DNAH6: variants seen among roughly 807,000 people sequenced by gnomAD.
DNAH6 encodes axonemal beta dynein heavy chain 6.
Under a neutral mutation model 491.4 loss-of-function variants are expected in DNAH6, and 340 were observed. The ratio of observed to expected loss-of-function variants is 0.69; its 90% CI spans 0.63 to 0.76. DNAH6 has a LOEUF of 0.76. DNAH6 is among the 30% of genes least tolerant of loss of function. The pLI, the probability that DNAH6 is intolerant of heterozygous loss-of-function variation, is 0.00. For missense variants in DNAH6, 4,443 were observed against 4,972.2 expected, an observed-to-expected ratio of 0.89 and a Z score of 3.20; for synonymous variants, 1,603 against 1,686.1, an observed-to-expected ratio of 0.95 and a Z score of 1.21.
At chr2:84,662,753 A>C (rs1240710134) in intron 37 of DNAH6, among the ~76,000 whole-genome samples, 1 of 152,184 alleles carries the variant, frequency 6.6e-6, no homozygotes, top group South Asian at 2.1e-4. Context: ...TGAAGAGAGT[A>C]GTGGTTCTCC....
chr2:84,460,432 C>A, the DNAH6 span, among the ~76,000 whole-genome samples: 1 of 152,080 alleles, frequency 6.6e-6, no homozygotes, highest in Non-Finnish European at 1.5e-5. Flanking sequence ...AATAGAAAAT[C>A]CCTTGCTATT....
chr2:84,787,303 G>C lies in DNAH6; in HGVS notation c.11239+1G>C. 1.3e-6 allele frequency: 2 copies of C among 1,548,426 alleles called. No homozygotes were observed. The highest frequency in any genetic ancestry group is 1.7e-6 in the Non-Finnish European group (2 of 1,145,652). On this transcript the variant is annotated splice_donor_variant, in intron 68 of 76. Transcript: ENST00000389394. LOFTEE classifies it high-confidence loss of function. ...TGGGATGCACTAATTTACATTACTG[G>C]TGAGTACGTCCTTGTGGCCAGGCCT...
At chr2:84,739,215 T>C (rs1672285774) in intron 62 of DNAH6, among the ~76,000 whole-genome samples, 1 of 152,214 alleles carries the variant, frequency 6.6e-6, no homozygotes. Flanking sequence ...TTTAGTCTTA[T>C]AGGTTTCCCT....
chr2:84,699,836 T>C (rs1297078508), intron 48 of DNAH6, 102 bp downstream of exon 48: 12 of 1,137,778 alleles, frequency 1.1e-5, no homozygotes, highest in African/African-American at 1.6e-5. Flanking sequence ...TGTATTAGCT[T>C]TAAAGCCTAC....
At position 84,814,140 on chromosome 2, in the gene DNAH6, G is replaced by A. The variant is rs543754546; in HGVS notation, c.12150+18G>A. ...ACATGGAGGTATTGTCCACCTGGCTGTTATGGCAAAGCAGCTTCTATCCCA... is the reference window on the plus strand; with the variant it reads ...ACATGGAGGTATTGTCCACCTGGCTATTATGGCAAAGCAGCTTCTATCCCA... On this transcript the variant is annotated intron_variant, in intron 75 of 76. Coordinates refer to ENST00000389394, the MANE Select transcript of DNAH6 (RefSeq NM_001370.2). The A allele has an allele frequency of 1.5e-5, 24 of 1,548,704 alleles. No homozygotes were observed. Among genetic ancestry groups the A allele is most frequent in the East Asian group, 2.5e-5 (1 of 40,816 alleles).
the DNAH6 span, among the ~76,000 whole-genome samples, chr2:84,501,029 T>TC: frequency 6.6e-6 from 1 of 152,218 alleles, no homozygotes; most frequent in African/African-American, 2.4e-5. Context: ...CTTTCTCTTG[T>TC]CTGATTGCTC....
At chr2:84,550,151 A>G (rs561046580) in intron 9 of DNAH6, 94 bp downstream of exon 9, 21 of 534,480 alleles carry the variant, frequency 3.9e-5, no homozygotes, top group Middle Eastern at 5.0e-4. Context: ...TCTGTGCACT[A>G]AAAAAAAAAG....
At chr2:84,754,670 A>G (rs907624900) in intron 63 of DNAH6, among the ~76,000 whole-genome samples, 13 of 152,202 alleles carry the variant, frequency 8.5e-5, no homozygotes, top group African/African-American at 3.1e-4. Flanking sequence ...ATGTCACACC[A>G]TCTTGATTAC....
chr2:84,542,780 A>G (rs1008246174), intron 4 of DNAH6, among the ~76,000 whole-genome samples: 3 of 152,196 alleles, frequency 2.0e-5, no homozygotes, highest in African/African-American at 7.2e-5. Context: ...TTTTGTTCCA[A>G]TGTCTTAAAA....
intron 45 of DNAH6, among the ~76,000 whole-genome samples, chr2:84,690,652 G>C (rs1694762735): frequency 6.6e-6 from 1 of 152,222 alleles, no homozygotes; most frequent in Non-Finnish European, 1.5e-5. Context: ...GCATGGTGAA[G>C]ATTTGGTTTT....
intron 19 of DNAH6, 87 bp from the exon 20 acceptor site, chr2:84,605,413 A>T: frequency 2.4e-6 from 2 of 831,968 alleles, no homozygotes; most frequent in Non-Finnish European, 3.8e-6. Context: ...ATAATTATGG[A>T]GTTTTTATTT....
At chr2:84,708,575 G>A (rs1212811904) in intron 54 of DNAH6, among the ~76,000 whole-genome samples, 2 of 148,032 alleles carry the variant, frequency 1.4e-5, no homozygotes, top group African/African-American at 5.0e-5. Flanking sequence ...AAAGAGGGAA[G>A]GAAGGAGGAA....
intron 4 of DNAH6, among the ~76,000 whole-genome samples, chr2:84,543,473 C>T (rs1226676875): frequency 3.3e-5 from 5 of 152,266 alleles, no homozygotes; most frequent in Admixed American, 6.5e-5. Context: ...ATATTTCACA[C>T]TTGTTCTATT....
At chr2:84,697,447 A>G (rs1695498358) in intron 46 of DNAH6, 128 bp from the exon 47 acceptor site, 1 of 1,045,354 alleles carries the variant, frequency 9.6e-7, no homozygotes, top group Non-Finnish European at 1.3e-6. Context: ...TCAGGGTTCC[A>G]TGAAATTTTT....
intron 2 of DNAH6, among the ~76,000 whole-genome samples, chr2:84,520,086 G>A (rs1033912892): frequency 2.8e-4 from 43 of 151,968 alleles, no homozygotes; most frequent in African/African-American, 1.0e-3. Context: ...CAGTAAAATT[G>A]TATTATCCTT....
At chr2:84,625,862 A>G (rs974780127) in intron 29 of DNAH6, among the ~76,000 whole-genome samples, 6 of 152,194 alleles carry the variant, frequency 3.9e-5, no homozygotes, top group African/African-American at 1.4e-4. Context: ...AAGAAAATCT[A>G]ACCTCACACA....
the DNAH6 span, among the ~76,000 whole-genome samples, chr2:84,508,691 C>G: frequency 1.3e-5 from 2 of 152,096 alleles, no homozygotes; most frequent in Non-Finnish European, 2.9e-5. Context: ...CCTGCTTTCT[C>G]TTATGGGCAT....
At chr2:84,628,044 G>A (rs72922734) in intron 29 of DNAH6, among the ~76,000 whole-genome samples, 6,163 of 152,096 alleles carry the variant, frequency 0.041, 404 homozygotes, top group African/African-American at 0.14. Context: ...CTAGAACCTC[G>A]CCAAGAAAAC....
intron 71 of DNAH6, among the ~76,000 whole-genome samples, chr2:84,807,114 G>A (rs923480618): frequency 1.3e-5 from 2 of 152,164 alleles, no homozygotes; most frequent in East Asian, 3.9e-4. Context: ...TGAGACTGAA[G>A]GGGCAGGAAA....
Sources: allele counts gnomAD v4.1 joint callset (sites outside exome capture counted in the v4.1 genomes callset), GRCh38; gene constraint gnomAD v4.1.1; transcripts MANE v1.5; gene names NCBI Gene and HGNC (gene_info 2026-07-23, HGNC 2026-07-21).